The following SMAD2 variants were observed in gnomAD, a reference collection of about 807,000 sequenced individuals.
The protein encoded by SMAD2 is SMAD family member 2.
A neutral mutation model predicts 64.4 loss-of-function variants in SMAD2; 8 were observed. That is an observed-to-expected ratio of 0.12 (90% CI 0.07 to 0.22). The LOEUF is 0.22. Among genes scored for constraint, SMAD2 ranks in the 10% least tolerant of loss-of-function variants. The pLI is 1.00. For synonymous variants in SMAD2, 203 were observed against 195.8 expected, an observed-to-expected ratio of 1.04 and a Z score of -0.31; for missense variants, 289 against 561.2, an observed-to-expected ratio of 0.51 and a Z score of 4.90.
chr18:47,903,529 A>G (rs1158556617), intron 1 of SMAD2, among the ~76,000 whole-genome samples: 1 of 152,182 alleles, frequency 6.6e-6, no homozygotes, highest in East Asian at 1.9e-4. Context: ...TTCTAAAAGT[A>G]AATATTATTT....
rs1437625741 is a variant in SMAD2 at position 47,830,855 on chromosome 18, T to C, written c.*10972A>G. On this transcript the variant is annotated 3_prime_UTR_variant, in exon 11 of 11. Transcript: ENST00000262160. ...GTTAAGGCCTCTGATTTGCTACTTA[T>C]TAGAAAAATCCACATATATACAAAA... 1 of 156,366 alleles carries C rather than the reference T, an allele frequency of 6.4e-6. No individual in the cohort carries two copies. Among genetic ancestry groups the C allele is most frequent in the African/African-American group, 2.4e-5 (1 of 41,602 alleles). The allele number at this position is 156,366 out of a possible 1,614,324, so 9.7% of individuals were successfully genotyped here. A position where few individuals can be genotyped will look rare whatever the true frequency, so the allele number is the denominator to read the frequency against.
intron 2 of SMAD2, among the ~76,000 whole-genome samples, chr18:47,876,084 G>A (rs16958577): frequency 0.017 from 2,609 of 151,962 alleles, 66 homozygotes; most frequent in African/African-American, 0.059. Flanking sequence ...ATAGAAAATA[G>A]GTCTGAAAAT....
chr18:47,855,369 T>C (rs2030577065), intron 6 of SMAD2, among the ~76,000 whole-genome samples: 2 of 152,182 alleles, frequency 1.3e-5, no homozygotes, highest in African/African-American at 2.4e-5. Context: ...TTTGGGTAAA[T>C]ACCAAGGAGA....
intron 1 of SMAD2, among the ~76,000 whole-genome samples, chr18:47,919,585 A>G (rs1265566988): frequency 6.6e-6 from 1 of 152,080 alleles, no homozygotes; most frequent in Non-Finnish European, 1.5e-5. Flanking sequence ...GTGAGGGGGA[A>G]ATCTCAGAAT....
At chr18:47,917,664 T>G (rs1259473060) in intron 1 of SMAD2, among the ~76,000 whole-genome samples, 2 of 152,194 alleles carry the variant, frequency 1.3e-5, no homozygotes, top group Admixed American at 6.5e-5. Context: ...AAAAAAATTT[T>G]TAATGGAAAA....
At chr18:47,869,132 G>A (rs2031773979) in intron 4 of SMAD2, 111 bp downstream of exon 4, 1 of 758,164 alleles carries the variant, frequency 1.3e-6, no homozygotes, top group Non-Finnish European at 2.2e-6. Flanking sequence ...ACAATTTAAG[G>A]TAATTTATTA....
chr18:47,927,618 G>A (rs939410230), intron 1 of SMAD2, among the ~76,000 whole-genome samples: 3 of 152,162 alleles, frequency 2.0e-5, no homozygotes, highest in Admixed American at 6.5e-5. Context: ...TAAATGCATC[G>A]GCCAGGCGCG....
At chr18:47,915,731 T>C (rs1189524110) in intron 1 of SMAD2, among the ~76,000 whole-genome samples, 2 of 152,200 alleles carry the variant, frequency 1.3e-5, no homozygotes, top group Non-Finnish European at 2.9e-5. Flanking sequence ...TTCTAACAAA[T>C]GTTTACACTA....
intron 1 of SMAD2, among the ~76,000 whole-genome samples, chr18:47,913,330 C>G (rs549821685): frequency 1.3e-5 from 2 of 152,282 alleles, no homozygotes; most frequent in South Asian, 4.1e-4. Flanking sequence ...TGAAATGAAA[C>G]TAACTTAAGT....
In SMAD2 at chr18:47,826,792, T is replaced by G. The variant is rs972948325; in HGVS notation, c.*15035A>C. On this transcript the variant is annotated 3_prime_UTR_variant, in exon 11 of 11. Coordinates refer to ENST00000262160, the MANE Select transcript of SMAD2 (RefSeq NM_005901.6). ...AACTTTCTTAGAGAAAGATTTGTTA[T>G]TAGCAAAGACCTTCAGAGTAACCTT... 1.3e-5 allele frequency: 2 copies of G among 152,236 alleles called. No individual in the cohort carries two copies. Among genetic ancestry groups the G allele is most frequent in the African/African-American group, 4.8e-5 (2 of 41,464 alleles). 9.4% of individuals were successfully genotyped at this position (152,236 alleles called of 1,614,324 possible). A position where few individuals can be genotyped will look rare whatever the true frequency, so the allele number is the denominator to read the frequency against.
rs1310616932 is a variant in SMAD2, at chr18:47,816,342, C to A, written c.*25485G>T. 6.6e-6 allele frequency: 1 copy of A among 151,958 alleles called. No individual in the cohort carries two copies. The allele number at this position is 151,958 out of a possible 1,614,324, so 9.4% of individuals were successfully genotyped here. A position where few individuals can be genotyped will look rare whatever the true frequency, so the allele number is the denominator to read the frequency against. On this transcript the variant is annotated 3_prime_UTR_variant, in exon 11 of 11. Coordinates refer to ENST00000262160, the MANE Select transcript of SMAD2 (RefSeq NM_005901.6). ...AAATACCAAAATATACAGTGGTCAC[C>A]CTAAAACTAACATTTTTGGATAATA...
chr18:47,865,986 G>C lies in SMAD2; in HGVS notation c.656-853C>G, dbSNP rs74407161. 1.4e-4 allele frequency among the ~76,000 whole-genome samples: 22 copies of C among 152,202 alleles called. No individual in the cohort carries two copies. The East Asian group carries it at 3.9e-3, about 27-fold the overall frequency. On this transcript the variant is annotated intron_variant, in intron 5 of 10. Coordinates refer to ENST00000262160, the MANE Select transcript of SMAD2 (RefSeq NM_005901.6). ...CACTGAACAGTTTTGAGCGATTCAA[G>C]ATAACAAAGACACATATCCAAACAA...
At position 47,839,817 on chromosome 18, in the gene SMAD2, T is replaced by C. The variant is rs1280995075; in HGVS notation, c.*2010A>G. On this transcript the variant is annotated 3_prime_UTR_variant, in exon 11 of 11. Coordinates refer to ENST00000262160, the MANE Select transcript of SMAD2 (RefSeq NM_005901.6). ...CTTTGCCAGGAATGCTTATCTCCCC[T>C]GGCTCCTCACTTGGCTTGCTTCTTT... 2.6e-5 allele frequency: 6 copies of C among 233,172 alleles called. No individual in the cohort carries two copies. Among genetic ancestry groups the C allele is most frequent in the East Asian group, 1.8e-4 (3 of 16,582 alleles). 14.4% of individuals were successfully genotyped at this position (233,172 alleles called of 1,614,324 possible). A position where few individuals can be genotyped will look rare whatever the true frequency, so the allele number is the denominator to read the frequency against.
Position 47,824,313 on chromosome 18 carries a change from G to A in SMAD2, c.*17514C>T, listed in dbSNP as rs1221077243. On this transcript the variant is annotated 3_prime_UTR_variant, in exon 11 of 11. Coordinates refer to ENST00000262160, the MANE Select transcript of SMAD2 (RefSeq NM_005901.6). ...CAAAGACCCAGAAGAAACCACGCCA[G>A]CTTGCACAAACACTATTCGCAACCT... 1 of 152,230 alleles carries A rather than the reference G, an allele frequency of 6.6e-6. No homozygotes were observed. Among genetic ancestry groups the A allele is most frequent in the African/African-American group, 2.4e-5 (1 of 41,458 alleles). The allele number at this position is 152,230 out of a possible 1,614,324, so 9.4% of individuals were successfully genotyped here.
At chr18:47,895,675 C>T (rs1295042530) in intron 2 of SMAD2, 1 of 152,152 alleles carries the variant, frequency 6.6e-6, no homozygotes, top group African/African-American at 2.4e-5. Flanking sequence ...AGGCAAGAAA[C>T]ATTCTACTGT....
intron 6 of SMAD2, 27 bp from the exon 7 acceptor site, chr18:47,851,354 TGAA>T: frequency 6.6e-7 from 1 of 1,515,668 alleles, no homozygotes; most frequent in Non-Finnish European, 9.2e-7. Flanking sequence ...TAAAAATAAA[TGAA>T]GTATTTCCAG....
chr18:47,864,542 G>C (rs1020060643), intron 6 of SMAD2, among the ~76,000 whole-genome samples: 11 of 152,076 alleles, frequency 7.2e-5, no homozygotes, highest in African/African-American at 2.4e-4. Flanking sequence ...ATTTTATTAC[G>C]TAAGACGTGA....
intron 1 of SMAD2, among the ~76,000 whole-genome samples, chr18:47,904,595 AGCAAAGGTCTGTTACTACTAGAT>A (rs1235854770): frequency 2.6e-5 from 4 of 152,172 alleles, no homozygotes; most frequent in Admixed American, 6.5e-5. Flanking sequence ...ACTAATACAC[AGCAAAGGTCTGTTACTACTAGAT>A]GCAAAAATCC....
intron 2 of SMAD2, among the ~76,000 whole-genome samples, chr18:47,892,627 G>T (rs1014388540): frequency 6.8e-6 from 1 of 147,390 alleles, no homozygotes; most frequent in Non-Finnish European, 1.5e-5. Flanking sequence ...TTTAATTGTG[G>T]TATAAAATAA....
Sources: allele counts gnomAD v4.1 joint callset (sites outside exome capture counted in the v4.1 genomes callset), GRCh38; gene constraint gnomAD v4.1.1; transcripts MANE v1.5; gene names NCBI Gene and HGNC (gene_info 2026-07-23, HGNC 2026-07-21).